The following EEA1 variants were observed in gnomAD, a reference collection of about 807,000 sequenced individuals.
The protein encoded by EEA1 is early endosome antigen 1, 162kD.
Under a neutral mutation model 209.2 loss-of-function variants are expected in EEA1, and 111 were observed. The observed-to-expected ratio is 0.53, with a 90% CI of 0.45 to 0.62. EEA1 has a LOEUF of 0.62. Ranked by LOEUF, EEA1 falls within the 20% of genes least tolerant of loss-of-function variation. The pLI is 0.00. For synonymous variants in EEA1, 536 were observed against 540.6 expected (o/e 0.99, Z 0.12); for missense variants, 1,343 against 1,530.8 (o/e 0.88, Z 2.05).
chr12:92,805,245 C>T (rs1319443624), intron 18 of EEA1, among the ~76,000 whole-genome samples: 1 of 152,080 alleles, frequency 6.6e-6, no homozygotes. Context: ...CTGGAAACTA[C>T]CGTGAGGAGG....
chr12:92,865,714 TTTTTATTTTATTTTATTTTA>T (rs79830023), intron 2 of EEA1, among the ~76,000 whole-genome samples: 14 of 142,434 alleles, frequency 9.8e-5, no homozygotes, highest in African/African-American at 2.7e-4. Context: ...AACTTTTATT[TTTTTATTTTATTTTATTTTA>T]TTTTATTTTA....
chr12:92,891,370 G>A (rs1314788774), intron 2 of EEA1, among the ~76,000 whole-genome samples: 4 of 152,166 alleles, frequency 2.6e-5, no homozygotes, highest in Non-Finnish European at 1.5e-5. Flanking sequence ...ATAAACAGAC[G>A]TTTTAAAATC....
intron 8 of EEA1, among the ~76,000 whole-genome samples, 191 bp downstream of exon 8, chr12:92,851,984 G>A (rs573217059): frequency 3.3e-5 from 5 of 152,116 alleles, no homozygotes; most frequent in South Asian, 4.1e-4. Flanking sequence ...AGTAAGTTAC[G>A]TATCATAACA....
intron 1 of EEA1, among the ~76,000 whole-genome samples, chr12:92,920,299 A>C (rs1394067858): frequency 8.9e-6 from 1 of 112,444 alleles, no homozygotes; most frequent in South Asian, 2.5e-4. Flanking sequence ...AGTCAATCCT[A>C]AGCCAAAAGA....
At chr12:92,865,738 TA>T (rs1350670730) in intron 2 of EEA1, among the ~76,000 whole-genome samples, 46 of 150,046 alleles carry the variant, frequency 3.1e-4, no homozygotes, top group African/African-American at 1.1e-3. Flanking sequence ...TATTTTATTT[TA>T]TTTTATTTTA....
chr12:92,776,740 A>G lies in EEA1; in HGVS notation c.4113+104T>C. On this transcript the variant is annotated intron_variant, in intron 28 of 28. Coordinates refer to ENST00000322349, the MANE Select transcript of EEA1 (RefSeq NM_003566.4). ...TTGTTGTTAAAGTTTACTGATAAAC[A>G]GAAAATTATTCTGTCAAATGAAGGA... 9.1e-6 allele frequency: 10 copies of G among 1,096,072 alleles called. No individual in the cohort carries two copies. The East Asian group carries it at 2.2e-4, about 24-fold the overall frequency. 67.9% of individuals were successfully genotyped at this position (1,096,072 alleles called of 1,614,324 possible).
chr12:92,851,334 A>G, intron 8 of EEA1, 68 bp from the exon 9 acceptor site: 1 of 1,429,512 alleles, frequency 7.0e-7, no homozygotes, highest in Non-Finnish European at 9.5e-7. Flanking sequence ...TTTTAGAATC[A>G]TTTCACTACA....
chr12:92,896,790 A>G (rs549053703), intron 1 of EEA1, among the ~76,000 whole-genome samples: 51 of 152,222 alleles, frequency 3.4e-4, no homozygotes, highest in African/African-American at 9.1e-4. Context: ...AGAAAAAAAA[A>G]GAAATTGACA....
rs371165148 is a variant in EEA1, at chr12:92,826,447, T to C, written c.1405-162A>G. ...TACCTTGGCTGGGCACAGTGGCTCA[T>C]GCCTGTAATCCCAGCACTTTGGGAG... On this transcript the variant is annotated intron_variant, in intron 12 of 28. Transcript: ENST00000322349. 5.3e-5 allele frequency among the ~76,000 whole-genome samples: 8 copies of C among 152,212 alleles called. No homozygotes were observed. The South Asian group carries it at 6.2e-4, about 12-fold the overall frequency.
intron 21 of EEA1, among the ~76,000 whole-genome samples, chr12:92,790,881 G>A (rs985943477): frequency 4.6e-5 from 7 of 152,256 alleles, no homozygotes; most frequent in East Asian, 1.9e-4. Context: ...GAGAAAGGTC[G>A]GGTTACCCAC....
At chr12:92,922,917 C>T (rs1881058935) in intron 1 of EEA1, among the ~76,000 whole-genome samples, 1 of 150,656 alleles carries the variant, frequency 6.6e-6, no homozygotes, top group Admixed American at 6.6e-5. Context: ...GAGATTGCAC[C>T]ATTACACTTC....
chr12:92,823,982 A>G (rs1478098423), intron 13 of EEA1, among the ~76,000 whole-genome samples: 1 of 151,872 alleles, frequency 6.6e-6, no homozygotes, highest in African/African-American at 2.4e-5. Context: ...ATCTATATTC[A>G]CTCTATCAAA....
At chr12:92,874,306 T>C (rs1271178317) in intron 2 of EEA1, among the ~76,000 whole-genome samples, 1 of 151,574 alleles carries the variant, frequency 6.6e-6, no homozygotes, top group Admixed American at 6.6e-5. Context: ...GGCAATAGAG[T>C]GAGACCCTGT....
At chr12:92,909,838 G>A (rs996868348) in intron 1 of EEA1, among the ~76,000 whole-genome samples, 1 of 151,876 alleles carries the variant, frequency 6.6e-6, no homozygotes, top group Non-Finnish European at 1.5e-5. Flanking sequence ...GCAACATGGT[G>A]AGACCCCGCC....
At chr12:92,784,815 G>A (rs972721968) in intron 22 of EEA1, among the ~76,000 whole-genome samples, 2 of 151,372 alleles carry the variant, frequency 1.3e-5, no homozygotes, top group African/African-American at 4.9e-5. Context: ...CTCTTCCCTC[G>A]GAGAACCCTC....
chr12:92,895,561 T>C (rs1260505936), intron 1 of EEA1: 1 of 154,008 alleles, frequency 6.5e-6, no homozygotes, highest in African/African-American at 2.4e-5. Context: ...ACAATTCACC[T>C]GGTCACCCAA....
At chr12:92,778,453 A>T (rs1182343398) in intron 25 of EEA1, among the ~76,000 whole-genome samples, 1 of 152,098 alleles carries the variant, frequency 6.6e-6, no homozygotes, top group African/African-American at 2.4e-5. Flanking sequence ...CCACCAGAGC[A>T]GGAAAGACAC....
chr12:92,815,093 G>T (rs1381330388), intron 15 of EEA1, among the ~76,000 whole-genome samples: 1 of 152,168 alleles, frequency 6.6e-6, no homozygotes, highest in Non-Finnish European at 1.5e-5. Flanking sequence ...TCATAAAGAA[G>T]TTAAAGTAGT....
At position 92,910,118 on chromosome 12, in the gene EEA1, C is replaced by T. The variant is rs143599310; in HGVS notation, c.25-18397G>A. On this transcript the variant is annotated intron_variant, in intron 1 of 28. Transcript: ENST00000322349. ...AGATCACGCCACTGCACTCCAGCCT[C>T]GGCAACAGAGCAAGATTCCATCTCA... 8.3e-3 allele frequency among the ~76,000 whole-genome samples: 1,223 copies of T among 148,010 alleles called. 16 individuals are homozygous for T. The highest frequency in any genetic ancestry group is 0.028 in the African/African-American group (1,126 of 40,246).
Sources: allele counts gnomAD v4.1 joint callset (sites outside exome capture counted in the v4.1 genomes callset), GRCh38; gene constraint gnomAD v4.1.1; transcripts MANE v1.5; gene names NCBI Gene and HGNC (gene_info 2026-07-23, HGNC 2026-07-21).